PPP2R2C: variants seen among roughly 807,000 people sequenced by gnomAD.
The protein encoded by PPP2R2C is protein phosphatase 2 regulatory subunit Bgamma, also known as protein phosphatase 2, regulatory subunit B, gamma.
A neutral mutation model predicts 45.3 loss-of-function variants in PPP2R2C; 10 were observed. The ratio of observed to expected loss-of-function variants is 0.22; its 90% CI spans 0.14 to 0.37. The LOEUF is 0.37. Ranked by LOEUF, PPP2R2C falls within the 10% of genes least tolerant of loss-of-function variation. The probability of loss-of-function intolerance (pLI) is 1.00; values close to 1 mark genes in which losing one functional copy is unlikely to be tolerated. For synonymous variants in PPP2R2C, 257 were observed against 245.4 expected (o/e 1.05, Z -0.44); for missense variants, 308 against 619.7 (o/e 0.50, Z 5.34).
At chr4:6,497,093 T>C (rs1472599921) in intron 2 of PPP2R2C, among the ~76,000 whole-genome samples, 1 of 152,008 alleles carries the variant, frequency 6.6e-6, no homozygotes, top group African/African-American at 2.4e-5. Flanking sequence ...AGTCCACACC[T>C]GAGCAGCAGT....
At chr4:6,470,697 C>A (rs999377144) in intron 1 of PPP2R2C, among the ~76,000 whole-genome samples, 2 of 152,338 alleles carry the variant, frequency 1.3e-5, no homozygotes, top group East Asian at 3.9e-4. Flanking sequence ...CGGACCCACG[C>A]TGATCCCGAC....
intron 1 of PPP2R2C, among the ~76,000 whole-genome samples, chr4:6,433,394 G>A (rs1020817980): frequency 7.2e-5 from 11 of 152,096 alleles, no homozygotes; most frequent in South Asian, 2.1e-4. Flanking sequence ...CTCCAGCCCC[G>A]CCCTACACTT....
At chr4:6,376,610 C>T (rs571978350) in intron 3 of PPP2R2C, among the ~76,000 whole-genome samples, 1 of 152,262 alleles carries the variant, frequency 6.6e-6, no homozygotes, top group East Asian at 1.9e-4. Context: ...CTCACCACCA[C>T]ACCTGGCTAA....
At chr4:6,383,161 G>A (rs1483483978) in intron 1 of PPP2R2C, 33 of 1,169,772 alleles carry the variant, frequency 2.8e-5, no homozygotes, top group South Asian at 3.3e-5. Context: ...CGCCTCTGGC[G>A]GTACCAGGAG....
intron 2 of PPP2R2C, among the ~76,000 whole-genome samples, chr4:6,482,153 T>TC (rs1356282035): frequency 6.6e-6 from 1 of 152,200 alleles, no homozygotes; most frequent in East Asian, 1.9e-4. Flanking sequence ...TTCATGTCCT[T>TC]CAATTAAATT....
intron 2 of PPP2R2C, among the ~76,000 whole-genome samples, chr4:6,485,429 T>G (rs557210164): frequency 4.6e-5 from 7 of 151,764 alleles, no homozygotes; most frequent in African/African-American, 1.7e-4. Flanking sequence ...TTTGGAAGAG[T>G]TTATGTAGAA....
Position 6,471,775 on chromosome 4 carries a change from T to G in PPP2R2C, c.70+385A>C. 1 of 191,286 alleles carries G rather than the reference T, an allele frequency of 5.2e-6. No individual in the cohort carries two copies. The highest frequency in any genetic ancestry group is 1.3e-4 in the East Asian group (1 of 7,686). The allele number at this position is 191,286 out of a possible 1,614,324, so 11.8% of individuals were successfully genotyped here. A position where few individuals can be genotyped will look rare whatever the true frequency, so the allele number is the denominator to read the frequency against. On this transcript the variant is annotated intron_variant, in intron 1 of 8. Coordinates refer to ENST00000382599, the MANE Select transcript of PPP2R2C (RefSeq NM_020416.4). This position sits in a 1 kb window ranked among gnomAD's most constrained non-coding sequence, Gnocchi z 5.6. ...CTTTGGGCAGGGCTGAAATGGCAAATCCAGGATTTAAACCATTAAATTTCC... is the reference window on the plus strand; with the variant it reads ...CTTTGGGCAGGGCTGAAATGGCAAAGCCAGGATTTAAACCATTAAATTTCC...
chr4:6,435,438 T>C (rs995576461), intron 1 of PPP2R2C, among the ~76,000 whole-genome samples: 1 of 152,266 alleles, frequency 6.6e-6, no homozygotes, highest in African/African-American at 2.4e-5. Flanking sequence ...CAATTATTTT[T>C]TTCCTTAGTC....
chr4:6,347,793 A>ACCCCCCCC, intron 6 of PPP2R2C, 53 bp downstream of exon 6: 4 of 535,900 alleles, frequency 7.5e-6, no homozygotes, highest in Admixed American at 6.8e-5. Context: ...AGGACATCCC[A>ACCCCCCCC]CCCGCCCGCC....
At chr4:6,357,029 C>A (rs1258507911) in intron 5 of PPP2R2C, among the ~76,000 whole-genome samples, 3 of 151,282 alleles carry the variant, frequency 2.0e-5, no homozygotes, top group African/African-American at 7.3e-5. Context: ...GAGAAAGTCA[C>A]AGCTGCAGTC....
intron 5 of PPP2R2C, chr4:6,349,255 T>C (rs1577092013): frequency 1.0e-6 from 1 of 985,448 alleles, no homozygotes; most frequent in Non-Finnish European, 1.2e-6. Context: ...TTCAGGTGCA[T>C]GTGAGCCCTG....
Position 6,329,018 on chromosome 4 carries a change from A to AG in PPP2R2C, c.1052+243dup. Among the ~76,000 whole-genome samples the AG allele has an allele frequency of 6.6e-6, 1 of 152,338 alleles. No homozygotes were observed. Among genetic ancestry groups the AG allele is most frequent in the African/African-American group, 2.4e-5 (1 of 41,578 alleles). ...TAAACATGTTCCCACTACTGCCCAT[A>AG]GGGCAGGCGCCAACGTGGCTGTGAG... On this transcript the variant is annotated intron_variant, in intron 8 of 8. Coordinates refer to ENST00000382599, the MANE Select transcript of PPP2R2C (RefSeq NM_020416.4). The surrounding 1 kb of genome is among the most constrained non-coding windows in gnomAD (Gnocchi z 5.8).
At chr4:6,553,099 G>T (rs1310573633) in intron 1 of PPP2R2C, among the ~76,000 whole-genome samples, 1 of 152,236 alleles carries the variant, frequency 6.6e-6, no homozygotes, top group African/African-American at 2.4e-5. Flanking sequence ...GGGCTGAAAG[G>T]TGCAGGGGAA....
At chr4:6,459,157 T>G (rs1721191427) in intron 1 of PPP2R2C, among the ~76,000 whole-genome samples, 1 of 127,354 alleles carries the variant, frequency 7.9e-6, no homozygotes. Context: ...GAATGGCTCA[T>G]CTCTGTTCCA....
At chr4:6,357,337 C>T (rs1474000373) in intron 5 of PPP2R2C, among the ~76,000 whole-genome samples, 1 of 152,202 alleles carries the variant, frequency 6.6e-6, no homozygotes, top group African/African-American at 2.4e-5. Context: ...AATGGACCCC[C>T]TTTTCCTTCC....
At chr4:6,392,954 T>A (rs1406459056) in intron 1 of PPP2R2C, among the ~76,000 whole-genome samples, 1 of 152,196 alleles carries the variant, frequency 6.6e-6, no homozygotes, top group Non-Finnish European at 1.5e-5. Context: ...CTCATCTGCC[T>A]TATATGGCTT....
chr4:6,512,497 G>A (rs1368869428), intron 2 of PPP2R2C, among the ~76,000 whole-genome samples: 4 of 113,092 alleles, frequency 3.5e-5, no homozygotes, highest in Admixed American at 9.8e-5. Flanking sequence ...GGTGATGGTG[G>A]TGGTGGTGGT....
chr4:6,387,482 C>T (rs1708263121), intron 1 of PPP2R2C, among the ~76,000 whole-genome samples: 1 of 152,124 alleles, frequency 6.6e-6, no homozygotes, highest in Non-Finnish European at 1.5e-5. Context: ...AACCTGGAAA[C>T]CCAGAATTCT....
chr4:6,491,237 C>A (rs1352752229), intron 2 of PPP2R2C, among the ~76,000 whole-genome samples: 1 of 152,194 alleles, frequency 6.6e-6, no homozygotes, highest in African/African-American at 2.4e-5. Flanking sequence ...ATCAAGGAGG[C>A]CAGTAAGTGG....
Sources: allele counts gnomAD v4.1 joint callset (sites outside exome capture counted in the v4.1 genomes callset), GRCh38; gene constraint gnomAD v4.1.1; non-coding constraint Gnocchi (gnomAD v3.1); transcripts MANE v1.5; gene names NCBI Gene and HGNC (gene_info 2026-07-23, HGNC 2026-07-21).